The following GABRB1 variants were observed in gnomAD, a reference collection of about 807,000 sequenced individuals.
GABRB1 encodes gamma-aminobutyric acid type A receptor subunit beta1, also known as gamma-aminobutyric acid receptor subunit beta-1.
GABRB1 carries 17 observed loss-of-function variants against 51.6 expected under a neutral mutation model. The observed-to-expected ratio is 0.33, with a 90% CI of 0.23 to 0.49. The LOEUF (loss-of-function observed/expected upper bound fraction) is 0.49, where lower values mean the gene tolerates loss of function less well. GABRB1 is among the 20% of genes least tolerant of loss of function. The pLI, the probability that GABRB1 is intolerant of heterozygous loss-of-function variation, is 0.99. For synonymous variants in GABRB1, 247 were observed against 218.9 expected, an observed-to-expected ratio of 1.13 and a Z score of -1.14; for missense variants, 410 against 600.6, an observed-to-expected ratio of 0.68 and a Z score of 3.32.
At chr4:47,150,458 A>T (rs1013196074) in intron 3 of GABRB1, among the ~76,000 whole-genome samples, 1 of 152,040 alleles carries the variant, frequency 6.6e-6, no homozygotes, top group Non-Finnish European at 1.5e-5. Context: ...TGCAATGAGC[A>T]TTAATAGAAT....
chr4:47,223,588 G>A (rs982735646), intron 4 of GABRB1, among the ~76,000 whole-genome samples: 4 of 152,026 alleles, frequency 2.6e-5, no homozygotes, highest in African/African-American at 9.7e-5. Flanking sequence ...TAAAGAAAGT[G>A]TTATTAAGAT....
chr4:47,094,278 T>C (rs1165577534), intron 3 of GABRB1, among the ~76,000 whole-genome samples: 1 of 146,004 alleles, frequency 6.8e-6, no homozygotes, highest in Non-Finnish European at 1.5e-5. Flanking sequence ...CAGGCTGGAG[T>C]GCAGTGGCGT....
chr4:47,078,658 G>A (rs1465954589), intron 3 of GABRB1, among the ~76,000 whole-genome samples: 1 of 152,108 alleles, frequency 6.6e-6, no homozygotes, highest in African/African-American at 2.4e-5. Context: ...GAGAATGTGA[G>A]AACAGTGAGC....
intron 4 of GABRB1, among the ~76,000 whole-genome samples, chr4:47,278,591 A>G (rs1403586612): frequency 6.8e-6 from 1 of 146,246 alleles, no homozygotes; most frequent in East Asian, 2.2e-4. Context: ...GAATTGTTGA[A>G]CTGGGTGGAG....
intron 3 of GABRB1, among the ~76,000 whole-genome samples, chr4:47,065,713 A>G (rs1203032510): frequency 1.3e-5 from 2 of 152,190 alleles, no homozygotes; most frequent in African/African-American, 4.8e-5. Context: ...TGAACAACTG[A>G]TGGCTGTTAT....
intron 5 of GABRB1, among the ~76,000 whole-genome samples, chr4:47,328,989 G>T (rs1725359971): frequency 6.6e-6 from 1 of 151,804 alleles, no homozygotes; most frequent in Non-Finnish European, 1.5e-5. Flanking sequence ...AAATTGTTCT[G>T]AGAAAATGGG....
intron 3 of GABRB1, among the ~76,000 whole-genome samples, chr4:47,083,535 A>G (rs925374406): frequency 3.3e-5 from 5 of 152,144 alleles, no homozygotes; most frequent in African/African-American, 1.2e-4. Context: ...ATGTGCATCA[A>G]AACCTTTGCA....
intron 4 of GABRB1, among the ~76,000 whole-genome samples, chr4:47,275,917 A>C (rs1044016924): frequency 2.6e-5 from 4 of 152,196 alleles, no homozygotes; most frequent in African/African-American, 9.7e-5. Context: ...ACATAAATAT[A>C]CATGGACAGG....
chr4:47,032,357 C>G (rs1725356588), intron 2 of GABRB1, 60 bp from the exon 3 acceptor site: 2 of 1,435,170 alleles, frequency 1.4e-6, no homozygotes, highest in African/African-American at 2.8e-5. Flanking sequence ...GCCCCCAGAC[C>G]CTCCCCAGCC....
At chr4:47,294,298 C>G (rs548379153) in intron 4 of GABRB1, among the ~76,000 whole-genome samples, 1 of 152,128 alleles carries the variant, frequency 6.6e-6, no homozygotes, top group Non-Finnish European at 1.5e-5. Context: ...TGAAGCAGGG[C>G]GAGGCATTGC....
chr4:47,076,439 A>T (rs1376597006), intron 3 of GABRB1, among the ~76,000 whole-genome samples: 1 of 152,030 alleles, frequency 6.6e-6, no homozygotes, highest in East Asian at 1.9e-4. Flanking sequence ...TGATCCCTGC[A>T]GTTGGATTTG....
intron 1 of GABRB1, among the ~76,000 whole-genome samples, chr4:47,006,976 A>C (rs1245645865): frequency 6.6e-6 from 1 of 151,990 alleles, no homozygotes; most frequent in Non-Finnish European, 1.5e-5. Context: ...GCAACATGGC[A>C]AAGCCTACAA....
chr4:47,008,520 T>C (rs888917523), intron 1 of GABRB1, among the ~76,000 whole-genome samples: 3 of 151,638 alleles, frequency 2.0e-5, no homozygotes, highest in Non-Finnish European at 4.4e-5. Context: ...TGGAGTGTAG[T>C]GGTGTGATCT....
intron 3 of GABRB1, among the ~76,000 whole-genome samples, chr4:47,041,949 T>A (rs866526628): frequency 6.6e-6 from 1 of 152,030 alleles, no homozygotes; most frequent in Admixed American, 6.6e-5. Flanking sequence ...GAGAGAATTA[T>A]ACTGGAGAAA....
chr4:47,006,131 C>T (rs925335753), intron 1 of GABRB1, among the ~76,000 whole-genome samples: 10 of 151,862 alleles, frequency 6.6e-5, no homozygotes, highest in African/African-American at 2.4e-4. Context: ...TAGATCATTT[C>T]CGACAGAATT....
chr4:47,406,649 C>T (rs369153302), intron 7 of GABRB1, 33 bp from the exon 8 acceptor site: 5 of 1,612,680 alleles, frequency 3.1e-6, no homozygotes, highest in Non-Finnish European at 4.2e-6. Flanking sequence ...AATAGTGGCA[C>T]CTTCAGCTAA....
At chr4:47,079,677 G>C (rs1727738604) in intron 3 of GABRB1, among the ~76,000 whole-genome samples, 1 of 151,980 alleles carries the variant, frequency 6.6e-6, no homozygotes, top group Admixed American at 6.6e-5. Context: ...CATGAAAAAT[G>C]ATGAGTTCAT....
chr4:47,032,311 G>A, intron 2 of GABRB1, 106 bp from the exon 3 acceptor site: 2 of 1,049,280 alleles, frequency 1.9e-6, no homozygotes, highest in South Asian at 1.5e-5. Flanking sequence ...GGGGAGCAGG[G>A]AGGGAGCCCG....
intron 4 of GABRB1, among the ~76,000 whole-genome samples, chr4:47,247,997 C>T (rs2119777): frequency 0.21 from 31,126 of 151,826 alleles, 3,346 homozygotes; most frequent in East Asian, 0.25. Context: ...TTTGGATGCC[C>T]TTTGTTTCTT....
Sources: allele counts gnomAD v4.1 joint callset (sites outside exome capture counted in the v4.1 genomes callset), GRCh38; gene constraint gnomAD v4.1.1; transcripts MANE v1.5; gene names NCBI Gene and HGNC (gene_info 2026-07-23, HGNC 2026-07-21).